The following MAP3K5 variants were observed in gnomAD, a reference collection of about 807,000 sequenced individuals.
MAP3K5 encodes mitogen-activated protein kinase kinase kinase 5.
Under a neutral mutation model 158.7 loss-of-function variants are expected in MAP3K5, and 56 were observed. That is an observed-to-expected ratio of 0.35 (90% CI 0.28 to 0.44). MAP3K5 has a LOEUF of 0.44. Ranked by LOEUF, MAP3K5 falls within the 20% of genes least tolerant of loss-of-function variation. The pLI is 1.00. For missense variants in MAP3K5, 1,294 were observed against 1,674.8 expected (o/e 0.77, Z 3.97); for synonymous variants, 579 against 601.7 (o/e 0.96, Z 0.55).
At chr6:136,563,161 A>AT (rs1247851156) in intron 26 of MAP3K5, among the ~76,000 whole-genome samples, 8 of 152,162 alleles carry the variant, frequency 5.3e-5, no homozygotes. Context: ...AAGCTTTGGA[A>AT]GACTGTGCTT....
chr6:136,663,448 G>A (rs1180115673), intron 8 of MAP3K5, among the ~76,000 whole-genome samples: 1 of 151,580 alleles, frequency 6.6e-6, no homozygotes, highest in Admixed American at 6.6e-5. Context: ...TTCCATTATT[G>A]CACCTAACAA....
At chr6:136,729,251 T>C (rs982343405) in intron 1 of MAP3K5, among the ~76,000 whole-genome samples, 2 of 152,196 alleles carry the variant, frequency 1.3e-5, no homozygotes, top group Non-Finnish European at 2.9e-5. Context: ...AGAAGAGTAA[T>C]GAGCATGTAA....
chr6:136,609,150 C>T lies in MAP3K5; in HGVS notation c.2521+2132G>A, dbSNP rs1171680247. On this transcript the variant is annotated intron_variant, in intron 18 of 29. Coordinates refer to ENST00000359015, the MANE Select transcript of MAP3K5 (RefSeq NM_005923.4). The surrounding 1 kb of genome is among the most constrained non-coding windows in gnomAD (Gnocchi z 4.4). Reference sequence around the variant, plus strand: ...GAAGATACTGTGTTAACATCCTGTCCCACAAAGTGTGTGAAACGAGGGATT... The same window carrying T: ...GAAGATACTGTGTTAACATCCTGTCTCACAAAGTGTGTGAAACGAGGGATT... Among the ~76,000 whole-genome samples, 1 of 152,132 alleles carries T rather than the reference C, an allele frequency of 6.6e-6. No individual in the cohort carries two copies. Among genetic ancestry groups the T allele is most frequent in the Non-Finnish European group, 1.5e-5 (1 of 68,022 alleles).
chr6:136,590,668 G>A (rs988249688), intron 23 of MAP3K5, among the ~76,000 whole-genome samples: 4 of 151,662 alleles, frequency 2.6e-5, no homozygotes, highest in African/African-American at 7.3e-5. Context: ...AGACTCCCAC[G>A]TAGCTGGGAC....
intron 25 of MAP3K5, among the ~76,000 whole-genome samples, chr6:136,568,793 G>A (rs1447400872): frequency 6.7e-6 from 1 of 150,326 alleles, no homozygotes; most frequent in African/African-American, 2.5e-5. Context: ...AGGAGGCAGA[G>A]GTTGTGGTGA....
chr6:136,631,574 G>A (rs2143021), intron 14 of MAP3K5, among the ~76,000 whole-genome samples: 84,192 of 150,394 alleles, frequency 0.56, 24,251 homozygotes, highest in South Asian at 0.74. Flanking sequence ...GTGCAGTGGC[G>A]CAATCCTAGC....
At chr6:136,639,412 A>G in intron 13 of MAP3K5, 131 bp downstream of exon 13, 1 of 503,820 alleles carries the variant, frequency 2.0e-6, no homozygotes, top group Non-Finnish European at 3.5e-6. Flanking sequence ...ATTATAAAAT[A>G]TTAGCCCAAA....
chr6:136,639,588 G>A lies in MAP3K5; in HGVS notation c.1889C>T (p.Ser630Phe). ...ACAGAAATAGATTTGGAAATCATCA[G>A]AATTGTGAAGCACATAAAGAAAGCA... ...RCCFLYVLHN[S>F]DDFQIYFCTE... Residue 630 changes from serine (S) to phenylalanine (F), a missense_variant, in exon 13 of 30, where the codon TCT becomes TTT. Coordinates refer to ENST00000359015, the MANE Select transcript of MAP3K5 (RefSeq NM_005923.4). The A allele has an allele frequency of 6.3e-7, 1 of 1,599,028 alleles. No individual in the cohort carries two copies. Among genetic ancestry groups the A allele is most frequent in the East Asian group, 2.2e-5 (1 of 44,628 alleles).
chr6:136,585,938 C>G (rs905884142), intron 23 of MAP3K5, among the ~76,000 whole-genome samples: 7 of 151,838 alleles, frequency 4.6e-5, no homozygotes, highest in African/African-American at 9.7e-5. Flanking sequence ...CTTACTGTAC[C>G]ATTAAAATTA....
intron 1 of MAP3K5, among the ~76,000 whole-genome samples, chr6:136,744,983 C>T (rs934605132): frequency 3.9e-5 from 6 of 152,140 alleles, no homozygotes; most frequent in African/African-American, 1.4e-4. Flanking sequence ...CATTATCATG[C>T]TCCTTAGAAA....
chr6:136,775,542 C>T (rs1450843841), intron 1 of MAP3K5, among the ~76,000 whole-genome samples: 1 of 152,166 alleles, frequency 6.6e-6, no homozygotes, highest in African/African-American at 2.4e-5. Flanking sequence ...GGCATATCCT[C>T]TGGCACAGAA....
At chr6:136,783,063 G>A (rs1189124086) in intron 1 of MAP3K5, among the ~76,000 whole-genome samples, 1 of 152,150 alleles carries the variant, frequency 6.6e-6, no homozygotes, top group Non-Finnish European at 1.5e-5. Context: ...CAGCACTTTG[G>A]GAGACTGAGG....
At position 136,708,738 on chromosome 6, in the gene MAP3K5, G is replaced by A. The variant is rs375284617; in HGVS notation, c.589-3605C>T. Among the ~76,000 whole-genome samples, 33 of 152,228 alleles carry A rather than the reference G, an allele frequency of 2.2e-4. No homozygotes were observed. The East Asian group carries it at 2.9e-3, about 13-fold the overall frequency. On this transcript the variant is annotated intron_variant, in intron 2 of 29. Coordinates refer to ENST00000359015, the MANE Select transcript of MAP3K5 (RefSeq NM_005923.4). ...AGGTGTTTCAAATAGTTAATATTGC[G>A]CACACACAGAAATGGCTCACGAACA...
intron 1 of MAP3K5, among the ~76,000 whole-genome samples, chr6:136,785,142 C>T (rs1232209616): frequency 2.0e-5 from 3 of 152,182 alleles, no homozygotes; most frequent in Non-Finnish European, 1.5e-5. Flanking sequence ...ACTTCTCCAT[C>T]TGGGATAGAT....
intron 1 of MAP3K5, among the ~76,000 whole-genome samples, chr6:136,755,105 A>C (rs1783417035): frequency 1.3e-5 from 2 of 152,086 alleles, no homozygotes; most frequent in South Asian, 4.1e-4. Context: ...TGATCTTTTT[A>C]AAAATGCTAA....
intron 11 of MAP3K5, among the ~76,000 whole-genome samples, chr6:136,645,144 G>A (rs1778190786): frequency 6.6e-6 from 1 of 151,974 alleles, no homozygotes; most frequent in Admixed American, 6.6e-5. Flanking sequence ...CATTGCTCAG[G>A]CTGGTCTTGA....
intron 26 of MAP3K5, among the ~76,000 whole-genome samples, chr6:136,565,616 A>G (rs1774065033): frequency 6.6e-6 from 1 of 152,200 alleles, no homozygotes. Context: ...TTAATATGAG[A>G]GCTACAACCT....
At chr6:136,649,620 C>T (rs769941422) in intron 11 of MAP3K5, among the ~76,000 whole-genome samples, 2 of 152,178 alleles carry the variant, frequency 1.3e-5, no homozygotes, top group South Asian at 4.1e-4. Flanking sequence ...CACCAACAAC[C>T]TCCCAAATGA....
chr6:136,726,111 A>C (rs948883520), intron 1 of MAP3K5, among the ~76,000 whole-genome samples: 2 of 152,142 alleles, frequency 1.3e-5, no homozygotes, highest in Admixed American at 1.3e-4. Context: ...CTGGTTTTCA[A>C]CTCTATTCTG....
Sources: gnomAD v4.1 joint callset for allele counts (sites outside exome capture counted in the v4.1 genomes callset) on GRCh38, gnomAD v4.1.1 for gene constraint, Gnocchi (gnomAD v3.1) non-coding constraint, MANE v1.5 for transcripts, NCBI Gene and HGNC (gene_info 2026-07-23, HGNC 2026-07-21) for gene names.